MSRA: variants seen among roughly 807,000 people sequenced by gnomAD.
MSRA encodes mitochondrial peptide methionine sulfoxide reductase.
In MSRA, 54 loss-of-function variants were observed where a neutral mutation model predicts 31.3. The ratio of observed to expected loss-of-function variants is 1.73; its 90% CI spans 1.39 to 2.17. The LOEUF is 2.17. MSRA is among the 30% of genes most tolerant of loss of function. MSRA has a pLI of 0.00. For missense variants in MSRA, 507 were observed against 300.9 expected, an observed-to-expected ratio of 1.69 and a Z score of -5.07; for synonymous variants, 169 against 116.5, an observed-to-expected ratio of 1.45 and a Z score of -2.90.
At chr8:10,398,184 T>C (rs1585681197) in intron 5 of MSRA, among the ~76,000 whole-genome samples, 1 of 152,238 alleles carries the variant, frequency 6.6e-6, no homozygotes, top group Non-Finnish European at 1.5e-5. Flanking sequence ...TCTAAGAAGT[T>C]AAGTTCTTTT....
intron 1 of MSRA, among the ~76,000 whole-genome samples, chr8:10,087,237 G>T (rs1233612337): frequency 1.3e-5 from 2 of 152,164 alleles, no homozygotes; most frequent in East Asian, 1.9e-4. Flanking sequence ...CCTATAAAAT[G>T]AGTATGTTGG....
intron 4 of MSRA, 65 bp from the exon 5 acceptor site, chr8:10,319,818 C>A: frequency 1.1e-6 from 1 of 916,214 alleles, no homozygotes; most frequent in Non-Finnish European, 1.6e-6. Flanking sequence ...CAGCATTGTG[C>A]CCAGTTTGAG....
intron 1 of MSRA, among the ~76,000 whole-genome samples, chr8:10,141,179 G>A (rs1423585731): frequency 6.6e-6 from 1 of 152,208 alleles, no homozygotes; most frequent in African/African-American, 2.4e-5. Flanking sequence ...AACACCCACA[G>A]AAATGGGAGT....
chr8:10,249,612 C>A (rs1797812329), intron 3 of MSRA, among the ~76,000 whole-genome samples: 1 of 152,164 alleles, frequency 6.6e-6, no homozygotes, highest in Non-Finnish European at 1.5e-5. Flanking sequence ...AATTCTAACC[C>A]CTCTGAAAGC....
chr8:10,068,625 G>C (rs1797579426), intron 1 of MSRA, among the ~76,000 whole-genome samples: 1 of 152,160 alleles, frequency 6.6e-6, no homozygotes, highest in Non-Finnish European at 1.5e-5. Flanking sequence ...ATATTTATGT[G>C]GGTCTATTTC....
rs114929368 is a variant in MSRA at position 10,113,085 on chromosome 8, T to G, written c.142+58427T>G. Among the ~76,000 whole-genome samples the G allele has an allele frequency of 3.4e-3, 520 of 152,146 alleles. 6 individuals carry two copies. Among genetic ancestry groups the G allele is most frequent in the African/African-American group, 0.012 (502 of 41,526 alleles). On this transcript the variant is annotated intron_variant, in intron 1 of 5. Coordinates refer to ENST00000317173, the MANE Select transcript of MSRA (RefSeq NM_012331.5). Reference sequence around the variant, plus strand: ...AGGTATCCTCCAAGAGCGTAGGGCTTGTCAGTCTTGTTCATGGTTTTATCC... The same window carrying G: ...AGGTATCCTCCAAGAGCGTAGGGCTGGTCAGTCTTGTTCATGGTTTTATCC...
intron 3 of MSRA, among the ~76,000 whole-genome samples, chr8:10,275,010 A>G (rs529113270): frequency 6.6e-6 from 1 of 152,292 alleles, no homozygotes; most frequent in Non-Finnish European, 1.5e-5. Flanking sequence ...TCCAAGGACT[A>G]TATATGATAT....
intron 1 of MSRA, among the ~76,000 whole-genome samples, chr8:10,194,333 G>T (rs915954578): frequency 1.3e-5 from 2 of 152,128 alleles, no homozygotes; most frequent in Non-Finnish European, 2.9e-5. Flanking sequence ...TTGGGAAGCC[G>T]AGACAGGTGG....
At chr8:10,112,875 AC>A (rs1800387391) in intron 1 of MSRA, among the ~76,000 whole-genome samples, 1 of 152,060 alleles carries the variant, frequency 6.6e-6, no homozygotes, top group Non-Finnish European at 1.5e-5. Flanking sequence ...TCACCCTTGA[AC>A]TTTTATGGCT....
chr8:10,333,478 C>T (rs1302772610), intron 5 of MSRA, among the ~76,000 whole-genome samples: 3 of 152,164 alleles, frequency 2.0e-5, no homozygotes, highest in Non-Finnish European at 4.4e-5. Context: ...GGAGAAAAAC[C>T]ACAGGGAGGT....
At chr8:10,336,519 C>T (rs1196399467) in intron 5 of MSRA, among the ~76,000 whole-genome samples, 1 of 150,762 alleles carries the variant, frequency 6.6e-6, no homozygotes. Flanking sequence ...ATTTTTCCCT[C>T]TTGTGTTACA....
intron 3 of MSRA, among the ~76,000 whole-genome samples, chr8:10,294,385 A>G (rs1017873107): frequency 1.3e-5 from 2 of 152,146 alleles, no homozygotes; most frequent in African/African-American, 4.8e-5. Flanking sequence ...GACTGCTCAA[A>G]TGCCTCCCGT....
At chr8:10,238,374 A>G (rs1005121003) in intron 2 of MSRA, among the ~76,000 whole-genome samples, 19 of 152,146 alleles carry the variant, frequency 1.2e-4, no homozygotes, top group African/African-American at 4.1e-4. Context: ...CCTTCAAACT[A>G]TGTCATCTAC....
intron 1 of MSRA, among the ~76,000 whole-genome samples, chr8:10,128,833 G>A (rs1350087683): frequency 6.6e-6 from 1 of 152,154 alleles, no homozygotes; most frequent in African/African-American, 2.4e-5. Context: ...AAATGTTTAC[G>A]TTGCAATGGA....
chr8:10,180,137 A>G (rs116337698), intron 1 of MSRA, among the ~76,000 whole-genome samples: 3,399 of 152,280 alleles, frequency 0.022, 111 homozygotes, highest in African/African-American at 0.076. Context: ...TGTCACCTGC[A>G]CTTCTCTCTG....
intron 1 of MSRA, among the ~76,000 whole-genome samples, chr8:10,201,584 T>A (rs1283679852): frequency 1.3e-5 from 2 of 152,334 alleles, no homozygotes; most frequent in South Asian, 4.2e-4. Context: ...GATTTTGCAT[T>A]ATTGTAGATG....
At chr8:10,148,888 A>G (rs1015044899) in intron 1 of MSRA, among the ~76,000 whole-genome samples, 1 of 150,860 alleles carries the variant, frequency 6.6e-6, no homozygotes, top group African/African-American at 2.4e-5. Flanking sequence ...AGAACTGGAG[A>G]AGGTAGGACA....
intron 1 of MSRA, among the ~76,000 whole-genome samples, chr8:10,153,450 T>G (rs1213446073): frequency 6.6e-6 from 1 of 152,212 alleles, no homozygotes; most frequent in African/African-American, 2.4e-5. Flanking sequence ...CCCTCACATT[T>G]GGTTGTCTTT....
At chr8:10,400,702 C>T (rs1364086068) in intron 5 of MSRA, among the ~76,000 whole-genome samples, 4 of 152,112 alleles carry the variant, frequency 2.6e-5, no homozygotes, top group African/African-American at 9.7e-5. Flanking sequence ...GAAGGCTGAA[C>T]CCTCACATCT....
Sources: gnomAD v4.1 joint callset for allele counts (sites outside exome capture counted in the v4.1 genomes callset) on GRCh38, gnomAD v4.1.1 for gene constraint, MANE v1.5 for transcripts, NCBI Gene and HGNC (gene_info 2026-07-23, HGNC 2026-07-21) for gene names.